Variants in STRADB observed in about 807,000 individuals in gnomAD.
STRADB encodes STE20-related kinase adapter protein beta.
Under a neutral mutation model 52.1 loss-of-function variants are expected in STRADB, and 34 were observed. The ratio of observed to expected loss-of-function variants is 0.65; its 90% CI spans 0.50 to 0.87. The LOEUF is 0.87. Among genes scored for constraint, STRADB ranks in the 40% least tolerant of loss-of-function variants. STRADB has a pLI of 0.00. For missense variants in STRADB, 340 were observed against 483.9 expected (o/e 0.70, Z 2.79); for synonymous variants, 133 against 174.5 (o/e 0.76, Z 1.87).
rs530889817 is a variant in STRADB at position 201,474,005 on chromosome 2, C to T, written c.316-642C>T. 2.0e-5 allele frequency among the ~76,000 whole-genome samples: 3 copies of T among 151,908 alleles called. 1 individual carries two copies. The highest frequency in any genetic ancestry group is 7.2e-5 in the African/African-American group (3 of 41,402). ...TCCCGGGTTCACGCCATTCTCCTGCCCCAGCCTCCCGAGTAGCTGGGACTA... is the reference window on the plus strand; with the variant it reads ...TCCCGGGTTCACGCCATTCTCCTGCTCCAGCCTCCCGAGTAGCTGGGACTA... On this transcript the variant is annotated intron_variant, in intron 5 of 11. Coordinates refer to ENST00000194530, the MANE Select transcript of STRADB (RefSeq NM_018571.6).
rs1353816901 is a variant in STRADB, at chr2:201,480,671, T to C, written c.*496T>C. The C allele has an allele frequency of 9.1e-6, 9 of 987,124 alleles. No individual in the cohort carries two copies. The highest frequency in any genetic ancestry group is 6.0e-5 in the Admixed American group (1 of 16,548). The allele number at this position is 987,124 out of a possible 1,614,324, so 61.1% of individuals were successfully genotyped here. A position where few individuals can be genotyped will look rare whatever the true frequency, so the allele number is the denominator to read the frequency against. On this transcript the variant is annotated 3_prime_UTR_variant, in exon 12 of 12. Coordinates refer to ENST00000194530, the MANE Select transcript of STRADB (RefSeq NM_018571.6). ...TCCCTTTTTCTTCTGTTAATACTTA[T>C]GGTAACACCTAACTGAGCCTCACTC... is the stretch of plus-strand genomic sequence containing the variant.
chr2:201,455,145 G>GC (rs1457710212), intron 2 of STRADB, among the ~76,000 whole-genome samples: 2 of 152,032 alleles, frequency 1.3e-5, no homozygotes, highest in Non-Finnish European at 2.9e-5. Context: ...AGTTAGCTAT[G>GC]CCTTATCTTT....
intron 3 of STRADB, among the ~76,000 whole-genome samples, chr2:201,465,441 A>C (rs1050001211): frequency 3.3e-5 from 5 of 152,128 alleles, no homozygotes; most frequent in African/African-American, 1.2e-4. Flanking sequence ...CTGGTACCCT[A>C]TTCTACTGTG....
rs374042513 is a variant in STRADB at position 201,470,022 on chromosome 2, G to A, written c.163G>A (p.Val55Ile). 3.0e-5 allele frequency: 48 copies of A among 1,613,810 alleles called. No homozygotes were observed. The highest frequency in any genetic ancestry group is 6.7e-5 in the African/African-American group (5 of 74,902). The change falls in exon 4 of 12, where the codon GTT (valine) becomes ATT (isoleucine). Residue 55 changes from valine to isoleucine, a missense_variant. Physicochemically the swap from Val to Ile is conservative, Grantham distance 29. Coordinates refer to ENST00000194530, the MANE Select transcript of STRADB (RefSeq NM_018571.6). ...RASEVLCSTN[V>I]SHYELQVEIG... Reference sequence around the variant, plus strand: ...CAGTGAAGTACTATGTTCCACCAACGTTTCTCACTATGAGCTCCAAGTAGA... The same window carrying A: ...CAGTGAAGTACTATGTTCCACCAACATTTCTCACTATGAGCTCCAAGTAGA...
rs558097262 is a variant in STRADB at position 201,473,368 on chromosome 2, T to TG, written c.315+296dup. On this transcript the variant is annotated intron_variant, in intron 5 of 11. Coordinates refer to ENST00000194530, the MANE Select transcript of STRADB (RefSeq NM_018571.6). The stretch of plus-strand genomic sequence containing the variant: ...GCATTTTTAGATTTTAGTACATTTA[T>TG]GGGGTGGTGTGTAGGAGGCGGTCAG... Among the ~76,000 whole-genome samples the TG allele has an allele frequency of 3.7e-4, 56 of 152,210 alleles. No homozygotes were observed. In the Middle Eastern group the frequency reaches 0.01, roughly 28 times the overall value.
intron 7 of STRADB, among the ~76,000 whole-genome samples, chr2:201,476,210 C>CA (rs1952469102): frequency 6.6e-6 from 1 of 152,070 alleles, no homozygotes; most frequent in African/African-American, 2.4e-5. Flanking sequence ...CTCTTGTTAC[C>CA]AAAGTGTATA....
intron 2 of STRADB, among the ~76,000 whole-genome samples, chr2:201,455,550 T>C (rs1952115454): frequency 6.6e-6 from 1 of 151,956 alleles, no homozygotes; most frequent in African/African-American, 2.4e-5. Context: ...CCTGTCTGTA[T>C]AAAATATTAG....
chr2:201,473,163 A>G, intron 5 of STRADB, 87 bp downstream of exon 5: 1 of 1,178,692 alleles, frequency 8.5e-7, no homozygotes, highest in Non-Finnish European at 1.1e-6. Context: ...TGAATAGAAA[A>G]TATATATTTT....
chr2:201,477,722 G>A lies in STRADB; in HGVS notation c.652G>A (p.Ala218Thr), dbSNP rs1952501185. Residue 218 changes from alanine to threonine, a missense_variant, in exon 8 of 12, where the codon GCT (alanine) becomes ACT (threonine). Physicochemically the swap from Ala to Thr is moderately conservative, Grantham distance 58. Transcript: ENST00000194530. ...GGTTAAGCATGGACAGAGGCATAGGGCTGTGTATGATTTCCCACAGTTCAG... is the reference window on the plus strand; with the variant it reads ...GGTTAAGCATGGACAGAGGCATAGGACTGTGTATGATTTCCCACAGTTCAG... ...SLVKHGQRHRAVYDFPQFSTS... is the reference protein window; with the variant it reads ...SLVKHGQRHRTVYDFPQFSTS... 2 of 1,613,646 alleles carry A rather than the reference G, an allele frequency of 1.2e-6. No homozygotes were observed. Among genetic ancestry groups the A allele is most frequent in the Non-Finnish European group, 1.7e-6 (2 of 1,179,670 alleles).
At chr2:201,468,991 A>G (rs1015514260) in intron 3 of STRADB, among the ~76,000 whole-genome samples, 4 of 152,114 alleles carry the variant, frequency 2.6e-5, no homozygotes, top group Admixed American at 6.5e-5. Flanking sequence ...TTCTTTTTAC[A>G]TTCTTTCATT....
In STRADB at chr2:201,473,070, T is replaced by G. The variant is rs1246764778; in HGVS notation, c.309T>G (p.Ala103=). ...ACTGCAATGAAGAACGCCTGAAAGC[T>G]TTACAGGTAACAATATGAAGAAAAT... The part of the protein sequence containing the change: ...LENCNEERLK[A]LQKAVILSHF... The change falls in exon 5 of 12, where the codon GCT becomes GCG. Residue 103 remains alanine, a synonymous_variant. Coordinates refer to ENST00000194530, the MANE Select transcript of STRADB (RefSeq NM_018571.6). 1.2e-6 allele frequency: 2 copies of G among 1,611,666 alleles called. No individual in the cohort carries two copies. Among genetic ancestry groups the G allele is most frequent in the Non-Finnish European group, 1.7e-6 (2 of 1,179,326 alleles).
intron 3 of STRADB, among the ~76,000 whole-genome samples, chr2:201,465,931 T>C (rs1952295885): frequency 2.0e-5 from 3 of 152,126 alleles, no homozygotes; most frequent in Admixed American, 2.0e-4. Context: ...GCACTCTCCC[T>C]CCCCGGGGGA....
chr2:201,479,240 C>T, intron 10 of STRADB: 1 of 401,244 alleles, frequency 2.5e-6, no homozygotes. Flanking sequence ...TTGCTGCTAC[C>T]CTACTAAGTT....
chr2:201,461,834 A>T (rs913321198), intron 3 of STRADB, among the ~76,000 whole-genome samples: 1 of 152,122 alleles, frequency 6.6e-6, no homozygotes, highest in Non-Finnish European at 1.5e-5. Flanking sequence ...TTAAGTCTTT[A>T]ATCCATTTCA....
Position 201,475,669 on chromosome 2 carries a change from A to C in STRADB, c.475A>C (p.Thr159Pro). The C allele has an allele frequency of 6.2e-7, 1 of 1,612,132 alleles. No individual in the cohort carries two copies. The highest frequency in any genetic ancestry group is 1.1e-5 in the South Asian group (1 of 90,998). The stretch of plus-strand genomic sequence containing the variant: ...CTATTTTCCTGAAGGAATGAGTGAA[A>C]CTTTAATAAGAAACATTCTCTTTGG... ...RTYFPEGMSE[T>P]LIRNILFGAV... The change falls in exon 7 of 12, where the codon ACT becomes CCT. Residue 159 changes from threonine to proline, a missense_variant. Transcript: ENST00000194530.
In STRADB at chr2:201,480,059, C is replaced by T. The variant is rs1160129433; in HGVS notation, c.1141C>T (p.Leu381Phe). The T allele has an allele frequency of 5.6e-6, 9 of 1,613,750 alleles. No homozygotes were observed. The African/African-American group carries it at 1.2e-4, about 22-fold the overall frequency. Residue 381 changes from leucine (L) to phenylalanine (F), a missense_variant, in exon 12 of 12, where the codon CTT becomes TTT. Transcript: ENST00000194530. ...QMKEESQDSI[L>F]SLLPPAYNKP... is the part of the protein sequence containing the mutation. ...GAAAGAAGAAAGCCAGGATTCAATA[C>T]TTTCACTGTTGCCTCCTGCTTATAA...
Position 201,478,162 on chromosome 2 carries a change from G to T in STRADB, c.796G>T (p.Val266Leu). ...ITACELASGQ[V>L]PFQDMHRTQM... ...AGCATGTGAATTAGCCAGTGGGCAGGTGCCTTTCCAGGACATGCATAGAAC... is the reference window on the plus strand; with the variant it reads ...AGCATGTGAATTAGCCAGTGGGCAGTTGCCTTTCCAGGACATGCATAGAAC... Residue 266 changes from valine to leucine, a missense_variant, in exon 9 of 12, where the codon GTG (valine) becomes TTG (leucine). Physicochemically the swap from Val to Leu is conservative, Grantham distance 32. Coordinates refer to ENST00000194530, the MANE Select transcript of STRADB (RefSeq NM_018571.6). 1.2e-6 allele frequency: 2 copies of T among 1,613,734 alleles called. No homozygotes were observed. Among genetic ancestry groups the T allele is most frequent in the Non-Finnish European group, 1.7e-6 (2 of 1,179,886 alleles).
chr2:201,478,623 T>C (rs748754197), intron 10 of STRADB, 22 bp downstream of exon 10: 5 of 1,608,526 alleles, frequency 3.1e-6, no homozygotes, highest in East Asian at 4.5e-5. Context: ...CTCTTTTAAA[T>C]AGCACAAAAT....
chr2:201,479,335 T>C (rs1952533033), intron 10 of STRADB, 154 bp from the exon 11 acceptor site: 4 of 644,366 alleles, frequency 6.2e-6, no homozygotes, highest in African/African-American at 1.9e-5. Flanking sequence ...TAGTCAAGGT[T>C]GTAGCTAAGA....
Sources: allele counts gnomAD v4.1 joint callset (sites outside exome capture counted in the v4.1 genomes callset), GRCh38; gene constraint gnomAD v4.1.1; transcripts MANE v1.5; gene names NCBI Gene and HGNC (gene_info 2026-07-23, HGNC 2026-07-21).